HAUS8: variants seen among roughly 807,000 people sequenced by gnomAD.
HAUS8 encodes HAUS augmin like complex subunit 8, also known as HAUS augmin-like complex subunit 8.
HAUS8 carries 38 observed loss-of-function variants against 42.9 expected under a neutral mutation model. That is an observed-to-expected ratio of 0.89 (90% CI 0.68 to 1.16). The LOEUF is 1.16. Ranked by LOEUF, HAUS8 falls within the 50% of genes most tolerant of loss-of-function variation. The pLI is 0.00. For missense variants in HAUS8, 494 were observed against 511.6 expected, an observed-to-expected ratio of 0.97 and a Z score of 0.33; for synonymous variants, 199 against 205.8, an observed-to-expected ratio of 0.97 and a Z score of 0.28.
chr19:17,069,382 C>T (rs775595767), intron 2 of HAUS8, among the ~76,000 whole-genome samples: 2 of 151,560 alleles, frequency 1.3e-5, no homozygotes, highest in Admixed American at 6.6e-5. Context: ...CTCAGACAAG[C>T]GGGAGGGAAA....
intron 2 of HAUS8, among the ~76,000 whole-genome samples, chr19:17,069,316 A>G (rs1212077672): frequency 6.6e-6 from 1 of 152,074 alleles, no homozygotes; most frequent in Admixed American, 6.6e-5. Context: ...GGAGTCACAG[A>G]GTTCCTGAGG....
chr19:17,072,231 T>G (rs1368024122), intron 2 of HAUS8, among the ~76,000 whole-genome samples: 1 of 151,940 alleles, frequency 6.6e-6, no homozygotes, highest in Admixed American at 6.6e-5. Flanking sequence ...CTAAGCTCGC[T>G]GAATTGGGCC....
At chr19:17,066,818 T>C (rs1326051555) in intron 3 of HAUS8, among the ~76,000 whole-genome samples, 2 of 152,140 alleles carry the variant, frequency 1.3e-5, no homozygotes, top group African/African-American at 2.4e-5. Context: ...TTATTCATAA[T>C]CACCAAGACA....
At chr19:17,074,210 G>A (rs2057448844) in intron 1 of HAUS8, 1 of 152,646 alleles carries the variant, frequency 6.6e-6, no homozygotes, top group Non-Finnish European at 1.5e-5. Flanking sequence ...CAACACAGGA[G>A]GGGCAAGTGG....
In HAUS8 at chr19:17,052,903, G is replaced by A. The variant is rs571234172; in HGVS notation, c.851C>T (p.Ser284Leu). Reference sequence around the variant, plus strand: ...GTCCAGCACCTGCACATTTTCTTCCGAATCACCAACATCAAGTTCTCCCAG... The same window carrying A: ...GTCCAGCACCTGCACATTTTCTTCCAAATCACCAACATCAAGTTCTCCCAG... ...RLLGELDVGD[S>L]EENVQVLDLL... Residue 284 changes from serine to leucine, a missense_variant, in exon 10 of 11, where the codon TCG (serine) becomes TTG (leucine). Ser to Leu is a moderately radical substitution (Grantham distance 145, BLOSUM62 -2). Transcript: ENST00000253669. 1.1e-5 allele frequency: 17 copies of A among 1,614,138 alleles called. No individual in the cohort carries two copies. Among genetic ancestry groups the A allele is most frequent in the Admixed American group, 8.3e-5 (5 of 60,008 alleles).
At chr19:17,068,047 G>GA (rs1371781459) in intron 3 of HAUS8, among the ~76,000 whole-genome samples, 1 of 150,342 alleles carries the variant, frequency 6.7e-6, no homozygotes, top group Non-Finnish European at 1.5e-5. Context: ...GTGATCGAAG[G>GA]ATGTCATTTT....
chr19:17,068,599 T>C (rs1476862927), intron 3 of HAUS8, among the ~76,000 whole-genome samples: 2 of 152,050 alleles, frequency 1.3e-5, no homozygotes, highest in Non-Finnish European at 2.9e-5. Flanking sequence ...AGACCCTGTC[T>C]CTACAAAAAC....
chr19:17,055,982 G>T lies in HAUS8; in HGVS notation c.666C>A (p.Phe222Leu). ...LDAQIEMLSPFEAVATRFKEQ... is the reference protein window; with the variant it reads ...LDAQIEMLSPLEAVATRFKEQ... ...CCTTGAAGCGTGTGGCCACTGCCTC[G>T]AAGGGGCTGAGCATCTCGATCTGTA... Residue 222 changes from phenylalanine to leucine, a missense_variant, in exon 9 of 11, where the codon TTC becomes TTA. Physicochemically the swap from Phe to Leu is conservative, Grantham distance 22. Coordinates refer to ENST00000253669, the MANE Select transcript of HAUS8 (RefSeq NM_033417.2). 6.2e-7 allele frequency: 1 copy of T among 1,614,108 alleles called. No homozygotes were observed. The highest frequency in any genetic ancestry group is 8.5e-7 in the Non-Finnish European group (1 of 1,180,028).
At chr19:17,069,314 A>T (rs2057407250) in intron 2 of HAUS8, among the ~76,000 whole-genome samples, 1 of 152,082 alleles carries the variant, frequency 6.6e-6, no homozygotes, top group Non-Finnish European at 1.5e-5. Flanking sequence ...GTGGAGTCAC[A>T]GAGTTCCTGA....
intron 8 of HAUS8, 115 bp downstream of exon 8, chr19:17,058,434 C>G: frequency 9.5e-7 from 1 of 1,058,118 alleles, no homozygotes; most frequent in South Asian, 1.7e-5. Flanking sequence ...AAAAGCCCAA[C>G]ACAGTTAGAA....
chr19:17,062,585 T>G (rs2057367062), intron 4 of HAUS8, 113 bp downstream of exon 4: 1 of 790,642 alleles, frequency 1.3e-6, no homozygotes, highest in Non-Finnish European at 2.2e-6. Flanking sequence ...CTCTCTCTGC[T>G]CACTGCTTCT....
chr19:17,050,014 C>CA lies in HAUS8; in HGVS notation c.1091_1092insT (p.Pro365AlafsTer4). The CA allele has an allele frequency of 6.2e-7, 1 of 1,608,308 alleles. No homozygotes were observed. On this transcript the variant is annotated frameshift_variant, in exon 11 of 11. Coordinates refer to ENST00000253669, the MANE Select transcript of HAUS8 (RefSeq NM_033417.2). LOFTEE classifies it low-confidence loss of function (END_TRUNC). The stretch of plus-strand genomic sequence containing the variant: ...CCGGGTTGTCGTCCTCAGACAGGGG[C>CA]GTGTTCTTGGGTGCTCCCCCAGATT...
intron 10 of HAUS8, among the ~76,000 whole-genome samples, chr19:17,050,580 C>T (rs988270478): frequency 5.3e-5 from 8 of 152,044 alleles, no homozygotes; most frequent in Admixed American, 1.3e-4. Flanking sequence ...GGCAACATGG[C>T]AAAACCACGT....
At chr19:17,053,592 G>T (rs75976334) in intron 9 of HAUS8, 2,855 of 152,812 alleles carry the variant, frequency 0.019, 85 homozygotes, top group African/African-American at 0.065. Context: ...TTGTGGATGG[G>T]GGGGAGTTAA....
rs970217094 is a variant in HAUS8 at position 17,071,108 on chromosome 19, T to C, written c.92-2022A>G. Among the ~76,000 whole-genome samples, 105 of 150,300 alleles carry C rather than the reference T, an allele frequency of 7.0e-4. 1 individual carries two copies. Among genetic ancestry groups the C allele is most frequent in the Non-Finnish European group, 1.5e-3 (100 of 67,824 alleles). ...ACGGTTCTGCATTGTATCGGTGCCA[T>C]AGAGCTCAGAGGTTTGCCTTTGTAC... On this transcript the variant is annotated intron_variant, in intron 2 of 10. Transcript: ENST00000253669.
chr19:17,058,497 G>A, intron 8 of HAUS8, 52 bp downstream of exon 8: 1 of 1,511,762 alleles, frequency 6.6e-7, no homozygotes, highest in Non-Finnish European at 8.9e-7. Flanking sequence ...GTGGAGATGG[G>A]ACAGATTCAC....
At chr19:17,062,424 A>G (rs8112020) in intron 4 of HAUS8, among the ~76,000 whole-genome samples, 3,567 of 152,290 alleles carry the variant, frequency 0.023, 160 homozygotes, top group African/African-American at 0.082. Flanking sequence ...GTGGGAAAAC[A>G]GTCACATAGA....
intron 2 of HAUS8, among the ~76,000 whole-genome samples, chr19:17,069,832 T>C (rs2123381958): frequency 6.6e-6 from 1 of 152,064 alleles, no homozygotes; most frequent in South Asian, 2.1e-4. Flanking sequence ...CCTCCTTCAC[T>C]GGGAAGACAG....
In HAUS8 at chr19:17,049,851, G is replaced by A; in HGVS notation, c.*22C>T. 1.4e-6 allele frequency: 2 copies of A among 1,443,452 alleles called. No individual in the cohort carries two copies. The highest frequency in any genetic ancestry group is 1.8e-6 in the Non-Finnish European group (2 of 1,093,510). The allele number at this position is 1,443,452 out of a possible 1,614,324, so 89.4% of individuals were successfully genotyped here. ...CTACGGTAGTATATAAAGTGCTCAA[G>A]TATCCTGAATGTAACCATGAGTCAT... On this transcript the variant is annotated 3_prime_UTR_variant, in exon 11 of 11. Coordinates refer to ENST00000253669, the MANE Select transcript of HAUS8 (RefSeq NM_033417.2).
Sources: allele counts gnomAD v4.1 joint callset (sites outside exome capture counted in the v4.1 genomes callset), GRCh38; gene constraint gnomAD v4.1.1; transcripts MANE v1.5; gene names NCBI Gene and HGNC (gene_info 2026-07-23, HGNC 2026-07-21).